Variants in LRRC4C observed in about 807,000 individuals in gnomAD.
LRRC4C encodes leucine rich repeat containing 4C, also known as leucine-rich repeat-containing protein 4C.
Under a neutral mutation model 33.6 loss-of-function variants are expected in LRRC4C, and 5 were observed. The observed-to-expected ratio is 0.15, with a 90% confidence interval of 0.08 to 0.31. LRRC4C has a LOEUF of 0.31. Ranked by LOEUF, LRRC4C falls within the 10% of genes least tolerant of loss-of-function variation. The probability of loss-of-function intolerance (pLI) is 1.00; values close to 1 mark genes in which losing one functional copy is unlikely to be tolerated. For synonymous variants in LRRC4C, 329 were observed against 302.0 expected, an observed-to-expected ratio of 1.09 and a Z score of -0.93; for missense variants, 560 against 796.7, an observed-to-expected ratio of 0.70 and a Z score of 3.58.
chr11:40,828,687 C>A (rs1952272926), intron 2 of LRRC4C, among the ~76,000 whole-genome samples: 1 of 151,804 alleles, frequency 6.6e-6, no homozygotes, highest in Non-Finnish European at 1.5e-5. Flanking sequence ...TCTACCACTA[C>A]CTCCTTGTCT....
intron 1 of LRRC4C, among the ~76,000 whole-genome samples, chr11:41,148,969 G>C (rs1943858086): frequency 2.0e-5 from 3 of 152,024 alleles, no homozygotes; most frequent in Admixed American, 2.0e-4. Flanking sequence ...CCAGGTCCTG[G>C]GCCTATATCA....
intron 2 of LRRC4C, among the ~76,000 whole-genome samples, chr11:40,830,101 C>T (rs181550834): frequency 6.6e-6 from 1 of 152,016 alleles, no homozygotes; most frequent in East Asian, 1.9e-4. Flanking sequence ...GGAATAAAAA[C>T]AAGCACGGGC....
At chr11:40,509,487 ATTT>A (rs541928236) in intron 3 of LRRC4C, among the ~76,000 whole-genome samples, 3 of 151,914 alleles carry the variant, frequency 2.0e-5, no homozygotes, top group African/African-American at 7.2e-5. Flanking sequence ...GGTTTTTAAA[ATTT>A]TTTTAATTTT....
chr11:41,363,375 C>T (rs1952424658), intron 1 of LRRC4C, among the ~76,000 whole-genome samples: 1 of 152,326 alleles, frequency 6.6e-6, no homozygotes, highest in Middle Eastern at 3.4e-3. Flanking sequence ...GATATATAAA[C>T]AGCCCCACTG....
chr11:40,277,282 TA>T (rs1457267345), intron 4 of LRRC4C, among the ~76,000 whole-genome samples: 1 of 152,138 alleles, frequency 6.6e-6, no homozygotes, highest in African/African-American at 2.4e-5. Flanking sequence ...AAGGCCTCCT[TA>T]AAGACCCCTG....
intron 1 of LRRC4C, among the ~76,000 whole-genome samples, chr11:41,177,488 C>A (rs1408011607): frequency 6.6e-6 from 1 of 152,162 alleles, no homozygotes. Flanking sequence ...ACTGGTATAA[C>A]AATATAATGG....
At position 40,735,239 on chromosome 11, in the gene LRRC4C, C is replaced by A. The variant is rs148051660; in HGVS notation, c.-406-86961G>T. Among the ~76,000 whole-genome samples, 218 of 152,156 alleles carry A rather than the reference C, an allele frequency of 1.4e-3. 7 individuals carry two copies. In the East Asian group the frequency reaches 0.038, roughly 26 times the overall value. On this transcript the variant is annotated intron_variant, in intron 2 of 6. Transcript: ENST00000528697. Reference sequence around the variant, plus strand: ...GGTTGGTTACATATGTATACATGTGCCATGCTGGTGTGCTGCACCCATTAA... The same window carrying A: ...GGTTGGTTACATATGTATACATGTGACATGCTGGTGTGCTGCACCCATTAA...
At position 41,406,552 on chromosome 11, in the gene LRRC4C, C is replaced by CTCATCACTCTGCACAGTACATATGA. The variant is rs1215868759; in HGVS notation, c.-496+52854_-496+52878dup. 5.9e-5 allele frequency among the ~76,000 whole-genome samples: 9 copies of CTCATCACTCTGCACAGTACATATGA among 152,190 alleles called. No homozygotes were observed. The East Asian group carries it at 1.7e-3, about 29-fold the overall frequency. ...CAATCTGAAGAATTTCCACCTCCTTCTCATCACTCTGCACAGTACATATGA... is the reference window on the plus strand; with the variant it reads ...CAATCTGAAGAATTTCCACCTCCTTCTCATCACTCTGCACAGTACATATGATCATCACTCTGCACAGTACATATGA... On this transcript the variant is annotated intron_variant, in intron 1 of 6. Transcript: ENST00000528697.
intron 2 of LRRC4C, among the ~76,000 whole-genome samples, chr11:40,759,973 A>G (rs1949126909): frequency 6.6e-6 from 1 of 151,848 alleles, no homozygotes; most frequent in African/African-American, 2.4e-5. Flanking sequence ...AAAAAAAAAA[A>G]AAAAGGAAAA....
chr11:40,666,486 C>G (rs968047395), intron 2 of LRRC4C, among the ~76,000 whole-genome samples: 3 of 151,980 alleles, frequency 2.0e-5, no homozygotes, highest in African/African-American at 7.2e-5. Context: ...ATGAACTTGA[C>G]AAAATGGTAA....
intron 3 of LRRC4C, among the ~76,000 whole-genome samples, chr11:40,397,871 T>C (rs1297589007): frequency 3.3e-5 from 5 of 152,116 alleles, no homozygotes; most frequent in Non-Finnish European, 5.9e-5. Flanking sequence ...AGCACTTTTA[T>C]ATAGTTCTGT....
At chr11:40,252,167 G>C (rs747163899) in intron 4 of LRRC4C, among the ~76,000 whole-genome samples, 1 of 151,580 alleles carries the variant, frequency 6.6e-6, no homozygotes, top group Non-Finnish European at 1.5e-5. Context: ...ATCTCAAGCG[G>C]TGGTACACAC....
intron 3 of LRRC4C, among the ~76,000 whole-genome samples, chr11:40,608,387 A>C (rs1326128232): frequency 6.6e-6 from 1 of 152,018 alleles, no homozygotes; most frequent in Non-Finnish European, 1.5e-5. Context: ...TAGAAGACAC[A>C]AAAAAGAAAA....
At chr11:41,212,823 T>C (rs920705684) in intron 1 of LRRC4C, among the ~76,000 whole-genome samples, 14 of 152,196 alleles carry the variant, frequency 9.2e-5, no homozygotes, top group African/African-American at 3.4e-4. Flanking sequence ...TTCCATGGTG[T>C]ATATATGTGC....
chr11:41,383,777 T>A (rs1953248219), intron 1 of LRRC4C, among the ~76,000 whole-genome samples: 1 of 151,550 alleles, frequency 6.6e-6, no homozygotes, highest in East Asian at 1.9e-4. Context: ...GTAAATTAAC[T>A]CAGTGACCCA....
At chr11:41,443,259 G>A (rs1020923728) in intron 1 of LRRC4C, among the ~76,000 whole-genome samples, 1 of 152,048 alleles carries the variant, frequency 6.6e-6, no homozygotes, top group Non-Finnish European at 1.5e-5. Flanking sequence ...TGTAATCACA[G>A]CAGTTTGGCA....
intron 6 of LRRC4C, among the ~76,000 whole-genome samples, chr11:40,128,782 G>A (rs960845275): frequency 6.6e-6 from 1 of 152,056 alleles, no homozygotes; most frequent in Non-Finnish European, 1.5e-5. Context: ...CCTGCAATGT[G>A]TATCCTTTGA....
In LRRC4C at chr11:40,563,830, A is replaced by G. The variant is rs182796074; in HGVS notation, c.-270+84312T>C. 7.2e-5 allele frequency among the ~76,000 whole-genome samples: 11 copies of G among 152,234 alleles called. No homozygotes were observed. In the East Asian group the frequency reaches 1.4e-3, roughly 19 times the overall value. On this transcript the variant is annotated intron_variant, in intron 3 of 6. Coordinates refer to ENST00000528697, the MANE Select transcript of LRRC4C (RefSeq NM_001258419.2). ...ATGTTACCCAACTCTTTCAAATAGTACTTTCCCTATTTGCTTCCCCACTAC... is the reference window on the plus strand; with the variant it reads ...ATGTTACCCAACTCTTTCAAATAGTGCTTTCCCTATTTGCTTCCCCACTAC...
chr11:40,354,047 T>G (rs1947541851), intron 3 of LRRC4C, among the ~76,000 whole-genome samples: 1 of 152,210 alleles, frequency 6.6e-6, no homozygotes, highest in African/African-American at 2.4e-5. Flanking sequence ...AACTCTTTGG[T>G]TATTGCAGCT....
Sources: gnomAD v4.1 joint callset for allele counts (sites outside exome capture counted in the v4.1 genomes callset) on GRCh38, gnomAD v4.1.1 for gene constraint, MANE v1.5 for transcripts, NCBI Gene and HGNC (gene_info 2026-07-23, HGNC 2026-07-21) for gene names.